Variants in MFGE8 observed in about 807,000 individuals in gnomAD.
MFGE8 encodes the protein milk fat globule EGF and factor V/VIII domain containing, also known as lactadherin.
In MFGE8, 34 loss-of-function variants were observed where a neutral mutation model predicts 42.6. The ratio of observed to expected loss-of-function variants is 0.80; its 90% CI spans 0.61 to 1.06. The LOEUF (loss-of-function observed/expected upper bound fraction) is 1.06, where lower values mean the gene tolerates loss of function less well. MFGE8 is among the 50% of genes least tolerant of loss of function. MFGE8 has a pLI of 0.00. For synonymous variants in MFGE8, 230 were observed against 214.8 expected, an observed-to-expected ratio of 1.07 and a Z score of -0.62; for missense variants, 510 against 516.9, an observed-to-expected ratio of 0.99 and a Z score of 0.13.
At chr15:88,907,072 G>C (rs947645245) in intron 3 of MFGE8, 123 bp downstream of exon 3, 8 of 1,260,676 alleles carry the variant, frequency 6.3e-6, no homozygotes, top group Middle Eastern at 5.2e-4. Flanking sequence ...CTTCATCCAT[G>C]GGAACCTGTT....
At position 88,913,366 on chromosome 15, in the gene MFGE8, C is replaced by T. The variant is rs1899063520; in HGVS notation, c.-47G>A. The T allele has an allele frequency of 1.5e-6, 2 of 1,339,468 alleles. No homozygotes were observed. The highest frequency in any genetic ancestry group is 1.7e-5 in the South Asian group (1 of 57,834). The allele number at this position is 1,339,468 out of a possible 1,614,324, so 83.0% of individuals were successfully genotyped here. A position where few individuals can be genotyped will look rare whatever the true frequency, so the allele number is the denominator to read the frequency against. On this transcript the variant is annotated 5_prime_UTR_variant, in exon 1 of 8. Coordinates refer to ENST00000268150, the MANE Select transcript of MFGE8 (RefSeq NM_005928.4). The stretch of plus-strand genomic sequence containing the variant: ...GAATGGGCACGCTGGGCTGCTCAGA[C>T]CCCGCGGGGTTCTGGCGCCTTCTCC...
chr15:88,910,919 AAAACAAG>A (rs1279957553), intron 1 of MFGE8: 1 of 152,210 alleles, frequency 6.6e-6, no homozygotes, highest in African/African-American at 2.4e-5. Context: ...AATAAAATAA[AAAACAAG>A]AAACAAGAAA....
chr15:88,905,560 G>T lies in MFGE8; in HGVS notation c.685+197C>A. 1 of 729,256 alleles carries T rather than the reference G, an allele frequency of 1.4e-6. No homozygotes were observed. 45.2% of individuals were successfully genotyped at this position (729,256 alleles called of 1,614,324 possible). On this transcript the variant is annotated intron_variant, in intron 5 of 7. Transcript: ENST00000268150. The surrounding 1 kb of genome is among the most constrained non-coding windows in gnomAD (Gnocchi z 6.6). ...TCAATCAGAATGCCCTGGGTCATGG[G>T]TTGGCAGACAGCAAACACCTGGGTG... is the stretch of plus-strand genomic sequence containing the variant.
intron 1 of MFGE8, chr15:88,912,334 C>T (rs1899003693): frequency 3.0e-6 from 3 of 985,168 alleles, no homozygotes; most frequent in South Asian, 9.4e-5. Flanking sequence ...CCAGGAGCTC[C>T]CAAGTTCCTG....
At chr15:88,912,651 C>A (rs1899020978) in intron 1 of MFGE8, 1 of 985,212 alleles carries the variant, frequency 1.0e-6, no homozygotes, top group South Asian at 4.7e-5. Context: ...AGTCAGGAGA[C>A]TCCCATCAGC....
Position 88,905,988 on chromosome 15 carries a change from G to A in MFGE8, c.541-87C>T. The stretch of plus-strand genomic sequence containing the variant: ...TTACCTCATCTTCCTCTTCAGACCT[G>A]GGAGGCAGAGGTGGGGCTGGGAGGG... On this transcript the variant is annotated intron_variant, in intron 4 of 7. Coordinates refer to ENST00000268150, the MANE Select transcript of MFGE8 (RefSeq NM_005928.4). The surrounding 1 kb of genome is among the most constrained non-coding windows in gnomAD (Gnocchi z 6.6). 1 of 1,503,834 alleles carries A rather than the reference G, an allele frequency of 6.6e-7. No homozygotes were observed. Among genetic ancestry groups the A allele is most frequent in the Non-Finnish European group, 9.2e-7 (1 of 1,082,650 alleles). The allele number at this position is 1,503,834 out of a possible 1,614,324, so 93.2% of individuals were successfully genotyped here.
intron 6 of MFGE8, among the ~76,000 whole-genome samples, chr15:88,900,539 T>G (rs985061263): frequency 6.6e-6 from 1 of 152,194 alleles, no homozygotes; most frequent in Admixed American, 6.5e-5. Flanking sequence ...AGCTCCGCAG[T>G]GTGCTCCATG....
Position 88,913,275 on chromosome 15 carries a change from G to T in MFGE8, c.45C>A (p.Leu15=), listed in dbSNP as rs570155645. The T allele has an allele frequency of 1.8e-4, 273 of 1,497,708 alleles. No individual in the cohort carries two copies. Among genetic ancestry groups the T allele is most frequent in the Non-Finnish European group, 2.3e-4 (256 of 1,131,792 alleles). The allele number at this position is 1,497,708 out of a possible 1,614,324, so 92.8% of individuals were successfully genotyped here. Residue 15 remains leucine (L), a synonymous_variant, in exon 1 of 8, where the codon CTC becomes CTA. Coordinates refer to ENST00000268150, the MANE Select transcript of MFGE8 (RefSeq NM_005928.4). ...RLLAALCGAL[L]CAPSLLVALD... is the part of the protein sequence containing the mutation. Reference sequence around the variant, plus strand: ...GGGCGACGAGGAGGCTGGGGGCGCAGAGCAGCGCGCCGCACAGCGCGGCCA... The same window carrying T: ...GGGCGACGAGGAGGCTGGGGGCGCATAGCAGCGCGCCGCACAGCGCGGCCA...
At chr15:88,900,635 T>A in intron 6 of MFGE8, 1 of 848,288 alleles carries the variant, frequency 1.2e-6, no homozygotes, top group Non-Finnish European at 1.4e-6. Flanking sequence ...TTCCCCAACA[T>A]CCAGGTGTAA....
chr15:88,907,304 A>G lies in MFGE8; in HGVS notation c.278T>C (p.Val93Ala). Residue 93 changes from valine to alanine, a missense_variant, in exon 3 of 8, where the codon GTG becomes GCG. Coordinates refer to ENST00000268150, the MANE Select transcript of MFGE8 (RefSeq NM_005928.4). The stretch of plus-strand genomic sequence containing the variant: ...CCAATGCTGCAAACCCAAGAAGGTC[A>G]CACGCACAGACGAGGCGGCGATCTG... ...NSQIAASSVRVTFLGLQHWVP... is the reference protein window; with the variant it reads ...NSQIAASSVRATFLGLQHWVP... 1 of 1,614,196 alleles carries G rather than the reference A, an allele frequency of 6.2e-7. No individual in the cohort carries two copies. The highest frequency in any genetic ancestry group is 8.5e-7 in the Non-Finnish European group (1 of 1,180,022).
chr15:88,905,902 C>T lies in MFGE8; in HGVS notation c.541-1G>A. The T allele has an allele frequency of 6.2e-7, 1 of 1,614,152 alleles. No homozygotes were observed. Among genetic ancestry groups the T allele is most frequent in the East Asian group, 2.2e-5 (1 of 44,880 alleles). ...TTTTGTTCCAGTTACCCACAAACTC[C>T]TAGCAGGGAAGGGACAAGACTGGAG... is the stretch of plus-strand genomic sequence containing the variant. On this transcript the variant is annotated splice_acceptor_variant, in intron 4 of 7. Transcript: ENST00000268150. LOFTEE classifies it high-confidence loss of function. The surrounding 1 kb of genome is among the most constrained non-coding windows in gnomAD (Gnocchi z 6.6).
chr15:88,912,170 C>A (rs1382036793), intron 1 of MFGE8: 4 of 1,289,754 alleles, frequency 3.1e-6, no homozygotes, highest in African/African-American at 1.5e-5. Flanking sequence ...GAAAAGGCCA[C>A]ATCACCCTGT....
chr15:88,905,548 C>A lies in MFGE8; in HGVS notation c.685+209G>T, dbSNP rs1273010830. 1 of 713,210 alleles carries A rather than the reference C, an allele frequency of 1.4e-6. No homozygotes were observed. Among genetic ancestry groups the A allele is most frequent in the Non-Finnish European group, 2.5e-6 (1 of 396,344 alleles). The allele number at this position is 713,210 out of a possible 1,614,324, so 44.2% of individuals were successfully genotyped here. A position where few individuals can be genotyped will look rare whatever the true frequency, so the allele number is the denominator to read the frequency against. The stretch of plus-strand genomic sequence containing the variant: ...TCTTTTTCTCTATCAATCAGAATGC[C>A]CTGGGTCATGGGTTGGCAGACAGCA... On this transcript the variant is annotated intron_variant, in intron 5 of 7. Coordinates refer to ENST00000268150, the MANE Select transcript of MFGE8 (RefSeq NM_005928.4). The surrounding 1 kb of genome is among the most constrained non-coding windows in gnomAD (Gnocchi z 6.6).
intron 1 of MFGE8, chr15:88,912,760 T>A: frequency 1.0e-6 from 1 of 985,418 alleles, no homozygotes; most frequent in Non-Finnish European, 1.2e-6. Context: ...CCTTCCCTTA[T>A]GTGACCAGGC....
chr15:88,900,846 T>C (rs960518171), intron 6 of MFGE8: 1 of 715,018 alleles, frequency 1.4e-6, no homozygotes, highest in Non-Finnish European at 1.7e-6. Context: ...AAGGGAGAGG[T>C]CCCAAGATGC....
At chr15:88,909,947 G>A in intron 1 of MFGE8, 24 bp from the exon 2 acceptor site, 1 of 1,613,646 alleles carries the variant, frequency 6.2e-7, no homozygotes, top group East Asian at 2.2e-5. Flanking sequence ...CAGGTAAGAT[G>A]AGCAGATGAT....
chr15:88,913,186 C>A, intron 1 of MFGE8, 61 bp downstream of exon 1: 2 of 1,476,568 alleles, frequency 1.4e-6, no homozygotes, highest in Non-Finnish European at 8.9e-7. Context: ...GGGCGCCGGG[C>A]AAACTTCCGA....
rs900210375 is a variant in MFGE8 at position 88,901,904 on chromosome 15, C to T, written c.686-169G>A. The T allele has an allele frequency of 3.1e-5, 21 of 682,276 alleles. No individual in the cohort carries two copies. In the Admixed American group the frequency reaches 3.6e-4, roughly 12 times the overall value. The allele number at this position is 682,276 out of a possible 1,614,324, so 42.3% of individuals were successfully genotyped here. ...CTTGCAGGGCCAACTGTGCGACCTT[C>T]TCACTGCCGACCCCACCACCTCCTC... On this transcript the variant is annotated intron_variant, in intron 5 of 7. Transcript: ENST00000268150.
chr15:88,901,476 A>G (rs947447781), intron 6 of MFGE8, 75 bp downstream of exon 6: 5 of 1,443,214 alleles, frequency 3.5e-6, no homozygotes, highest in Non-Finnish European at 4.9e-6. Context: ...CCTGGGCTGG[A>G]GAGAGGTCAA....
Sources: gnomAD v4.1 joint callset for allele counts (sites outside exome capture counted in the v4.1 genomes callset) on GRCh38, gnomAD v4.1.1 for gene constraint, Gnocchi (gnomAD v3.1) non-coding constraint, MANE v1.5 for transcripts, NCBI Gene and HGNC (gene_info 2026-07-23, HGNC 2026-07-21) for gene names.